Variants in TEKT3 observed in about 807,000 individuals in gnomAD.
The protein encoded by TEKT3 is tektin 3.
Under a neutral mutation model 49.8 loss-of-function variants are expected in TEKT3, and 49 were observed. The observed-to-expected ratio is 0.98, with a 90% CI of 0.78 to 1.25. The LOEUF is 1.25. Among genes scored for constraint, TEKT3 ranks in the 50% most tolerant of loss-of-function variants. The pLI is 0.00. For synonymous variants in TEKT3, 225 were observed against 237.2 expected, an observed-to-expected ratio of 0.95 and a Z score of 0.47; for missense variants, 595 against 629.5, an observed-to-expected ratio of 0.95 and a Z score of 0.59.
upstream of TEKT3, chr17:15,341,603 C>G (rs1291004606): frequency 6.6e-6 from 1 of 152,220 alleles, no homozygotes; most frequent in South Asian, 2.1e-4. Flanking sequence ...CGACTGGGGC[C>G]CAGACCAGTC....
intron 5 of TEKT3, among the ~76,000 whole-genome samples, chr17:15,317,761 T>C (rs1911069672): frequency 6.6e-6 from 1 of 152,162 alleles, no homozygotes; most frequent in Non-Finnish European, 1.5e-5. Flanking sequence ...ACAGCTGTGA[T>C]CATTGCCTGA....
At chr17:15,321,586 C>A (rs778359604) in intron 4 of TEKT3, among the ~76,000 whole-genome samples, 5 of 152,162 alleles carry the variant, frequency 3.3e-5, no homozygotes, top group Non-Finnish European at 7.3e-5. Context: ...GTAGGAAGAG[C>A]CTTCATCTAA....
rs1003091339 is a variant in TEKT3 at position 15,335,621 on chromosome 17, A to G, written c.-29-4007T>C. The stretch of plus-strand genomic sequence containing the variant: ...TGACATCAAGACACTCCAATATGTA[A>G]CATCACAATGTCCAGCATCCAGTCA... On this transcript the variant is annotated intron_variant, in intron 2 of 8. Coordinates refer to ENST00000395930, the MANE Select transcript of TEKT3 (RefSeq NM_031898.3). Among the ~76,000 whole-genome samples, 27 of 152,244 alleles carry G rather than the reference A, an allele frequency of 1.8e-4. 1 individual carries two copies. The highest frequency in any genetic ancestry group is 1.6e-3 in the Admixed American group (25 of 15,288).
chr17:15,308,965 C>G, intron 7 of TEKT3, 147 bp from the exon 8 acceptor site: 1 of 958,752 alleles, frequency 1.0e-6, no homozygotes, highest in East Asian at 2.5e-5. Flanking sequence ...TCTATCCTTT[C>G]CAGCCCTGCC....
intron 8 of TEKT3, among the ~76,000 whole-genome samples, chr17:15,305,990 T>A (rs1339595981): frequency 2.0e-5 from 3 of 152,012 alleles, no homozygotes; most frequent in African/African-American, 7.2e-5. Flanking sequence ...TCTGCTGAAG[T>A]CACTCTTTCT....
chr17:15,308,193 T>C (rs1910620309), intron 8 of TEKT3, among the ~76,000 whole-genome samples: 1 of 152,134 alleles, frequency 6.6e-6, no homozygotes, highest in African/African-American at 2.4e-5. Flanking sequence ...GCGTTCCCCA[T>C]GCTGAGAAAT....
At chr17:15,340,086 A>C (rs1217002060) in intron 1 of TEKT3, 25 bp from the exon 2 acceptor site, 2 of 152,174 alleles carry the variant, frequency 1.3e-5, no homozygotes, top group Admixed American at 6.5e-5. Flanking sequence ...ATATGTTTAC[A>C]ATTAGAATGT....
intron 4 of TEKT3, among the ~76,000 whole-genome samples, chr17:15,326,394 G>C (rs969054315): frequency 2.0e-5 from 3 of 152,172 alleles, no homozygotes; most frequent in Non-Finnish European, 2.9e-5. Flanking sequence ...GACAAGAGAG[G>C]CCTTAGTGGA....
In TEKT3 at chr17:15,331,546, G is replaced by A. The variant is rs1382729354; in HGVS notation, c.40C>T (p.His14Tyr). 4 of 1,613,886 alleles carry A rather than the reference G, an allele frequency of 2.5e-6. No homozygotes were observed. The highest frequency in any genetic ancestry group is 2.5e-6 in the Non-Finnish European group (3 of 1,179,924). The change falls in exon 3 of 9, where the codon CAC becomes TAC. Residue 14 changes from histidine to tyrosine, a missense_variant. His to Tyr is a moderately conservative substitution (Grantham distance 83). Transcript: ENST00000395930. ...VGCTLTTTYA[H>Y]PRPTPTNFLP... is the part of the protein sequence containing the mutation. The stretch of plus-strand genomic sequence containing the variant: ...AAGTTGGTTGGTGTTGGTCTAGGGT[G>A]GGCGTAAGTTGTCGTTAAAGTACAA...
intron 2 of TEKT3, among the ~76,000 whole-genome samples, chr17:15,339,472 T>A (rs1912136004): frequency 6.6e-6 from 1 of 152,068 alleles, no homozygotes; most frequent in Non-Finnish European, 1.5e-5. Flanking sequence ...CTGAAAAAAA[T>A]GCTACAATAG....
chr17:15,309,526 C>T (rs1455724777), intron 7 of TEKT3, among the ~76,000 whole-genome samples: 1 of 152,166 alleles, frequency 6.6e-6, no homozygotes, highest in African/African-American at 2.4e-5. Context: ...CCTCCCTTCT[C>T]CACGCATCTT....
intron 3 of TEKT3, among the ~76,000 whole-genome samples, chr17:15,328,352 A>G (rs1911574522): frequency 6.6e-6 from 1 of 152,222 alleles, no homozygotes; most frequent in Non-Finnish European, 1.5e-5. Flanking sequence ...ATCCCCGCAA[A>G]TTAGCATTTG....
Position 15,304,138 on chromosome 17 carries a change from A to AC in TEKT3, c.1270dup (p.Val424GlyfsTer5). The stretch of plus-strand genomic sequence containing the variant: ...CTGGATGGTGTCGTCAACCTCGTGT[A>AC]CCTCGTTAACAAGGCTGCAGCATAA... On this transcript the variant is annotated frameshift_variant, in exon 9 of 9. Coordinates refer to ENST00000395930, the MANE Select transcript of TEKT3 (RefSeq NM_031898.3). LOFTEE classifies it high-confidence loss of function. The surrounding 1 kb of genome is among the most constrained non-coding windows in gnomAD (Gnocchi z 4.7). 6.2e-7 allele frequency: 1 copy of AC among 1,614,074 alleles called. No homozygotes were observed. The highest frequency in any genetic ancestry group is 8.5e-7 in the Non-Finnish European group (1 of 1,180,014).
chr17:15,316,466 G>A (rs902124988), intron 5 of TEKT3, among the ~76,000 whole-genome samples: 1 of 152,192 alleles, frequency 6.6e-6, no homozygotes, highest in Non-Finnish European at 1.5e-5. Context: ...GGGGCTCAAA[G>A]GAGGGGAGGG....
At position 15,328,087 on chromosome 17, in the gene TEKT3, C is replaced by T. The variant is rs745668601; in HGVS notation, c.580-12G>A. 21 of 1,609,700 alleles carry T rather than the reference C, an allele frequency of 1.3e-5. No individual in the cohort carries two copies. The Admixed American group carries it at 3.3e-4, about 26-fold the overall frequency. ...CATTCTCGGGCTACCTACAGATACA[C>T]AGATAATGGAAAGCACTAATAAAAA... On this transcript the variant is annotated splice_polypyrimidine_tract_variant and intron_variant, in intron 3 of 8. Coordinates refer to ENST00000395930, the MANE Select transcript of TEKT3 (RefSeq NM_031898.3).
intron 5 of TEKT3, among the ~76,000 whole-genome samples, chr17:15,316,027 T>G (rs763712340): frequency 1.3e-5 from 2 of 152,228 alleles, no homozygotes; most frequent in Non-Finnish European, 2.9e-5. Context: ...CTTTGTAAAG[T>G]GTAAATGAGA....
intron 4 of TEKT3, among the ~76,000 whole-genome samples, chr17:15,322,695 A>G (rs417637): frequency 0.16 from 24,216 of 152,172 alleles, 2,063 homozygotes; most frequent in African/African-American, 0.22. Flanking sequence ...GTCTTTTTAC[A>G]TCTTGGGAAA....
At position 15,327,992 on chromosome 17, in the gene TEKT3, C is replaced by T. The variant is rs749565468; in HGVS notation, c.663G>A (p.Thr221=). 9 of 1,613,358 alleles carry T rather than the reference C, an allele frequency of 5.6e-6. No individual in the cohort carries two copies. The highest frequency in any genetic ancestry group is 2.2e-5 in the South Asian group (2 of 91,058). Residue 221 remains threonine, a splice_region_variant and synonymous_variant, in exon 4 of 9, where the codon ACG becomes ACA. Transcript: ENST00000395930. ...VHDEVEAQLL[T]EVDTILCCQE... is the part of the protein sequence containing the mutation. ...ACTGATGCATTTCCCCCACATTTACCGTCAGCAGTTGTGCTTCAACTTCAT... is the reference window on the plus strand; with the variant it reads ...ACTGATGCATTTCCCCCACATTTACTGTCAGCAGTTGTGCTTCAACTTCAT...
chr17:15,327,430 T>C (rs230900), intron 4 of TEKT3, among the ~76,000 whole-genome samples: 102,883 of 151,746 alleles, frequency 0.68, 35,628 homozygotes, highest in African/African-American at 0.81. Flanking sequence ...GCAGGAGAAT[T>C]GCTTGAACCT....
Sources: allele counts gnomAD v4.1 joint callset (sites outside exome capture counted in the v4.1 genomes callset), GRCh38; gene constraint gnomAD v4.1.1; non-coding constraint Gnocchi (gnomAD v3.1); transcripts MANE v1.5; gene names NCBI Gene and HGNC (gene_info 2026-07-23, HGNC 2026-07-21).